Variants in PTPN4 observed in about 807,000 individuals in gnomAD.
The protein encoded by PTPN4 is protein tyrosine phosphatase non-receptor type 4.
Under a neutral mutation model 135.5 loss-of-function variants are expected in PTPN4, and 49 were observed. The observed-to-expected ratio is 0.36, with a 90% CI of 0.29 to 0.46. The LOEUF is 0.46. PTPN4 is among the 20% of genes least tolerant of loss of function. The pLI, the probability that PTPN4 is intolerant of heterozygous loss-of-function variation, is 1.00. For synonymous variants in PTPN4, 333 were observed against 369.9 expected (o/e 0.90, Z 1.14); for missense variants, 860 against 1,101.0 (o/e 0.78, Z 3.10).
chr2:119,942,966 G>A (rs1371816128), intron 15 of PTPN4, among the ~76,000 whole-genome samples: 3 of 152,182 alleles, frequency 2.0e-5, no homozygotes, highest in Non-Finnish European at 4.4e-5. Flanking sequence ...TGAAGCTTTG[G>A]CTGAAAAAGA....
intron 1 of PTPN4, among the ~76,000 whole-genome samples, chr2:119,791,881 C>T (rs1421326692): frequency 6.6e-6 from 1 of 152,014 alleles, no homozygotes; most frequent in Non-Finnish European, 1.5e-5. Flanking sequence ...TCTGTCAGCC[C>T]CCTTTTCTGT....
intron 23 of PTPN4, 28 bp from the exon 24 acceptor site, chr2:119,962,584 TTTTA>T (rs1679382451): frequency 8.4e-7 from 1 of 1,193,230 alleles, no homozygotes; most frequent in Non-Finnish European, 1.1e-6. Flanking sequence ...ATGTATATAA[TTTTA>T]TTTATTATTT....
Position 119,932,446 on chromosome 2 carries a change from C to A in PTPN4, c.1093C>A (p.Arg365=). ...FARSPSKPLA[R]KLMDWEVVSR... ...CAGATCCCCAAGTAAGCCCTTGGCA[C>A]GGAAATTAATGGATTGGGAAGTAGT... is the stretch of plus-strand genomic sequence containing the variant. The change falls in exon 14 of 27, where the codon CGG becomes AGG. Residue 365 remains arginine (R), a synonymous_variant. Coordinates refer to ENST00000263708, the MANE Select transcript of PTPN4 (RefSeq NM_002830.4). 6.2e-7 allele frequency: 1 copy of A among 1,609,272 alleles called. No individual in the cohort carries two copies. The highest frequency in any genetic ancestry group is 8.5e-7 in the Non-Finnish European group (1 of 1,177,372).
At chr2:119,974,486 G>C (rs1431244344) in intron 26 of PTPN4, among the ~76,000 whole-genome samples, 1 of 152,142 alleles carries the variant, frequency 6.6e-6, no homozygotes, top group Non-Finnish European at 1.5e-5. Context: ...TGGGATTACA[G>C]GAGTGATCCA....
chr2:119,796,890 G>A (rs1165877382), intron 1 of PTPN4, among the ~76,000 whole-genome samples: 1 of 149,954 alleles, frequency 6.7e-6, no homozygotes, highest in Non-Finnish European at 1.5e-5. Context: ...GTGTGTGTGT[G>A]TGTGTGTTTT....
At chr2:119,918,970 A>G (rs1008505127) in intron 11 of PTPN4, among the ~76,000 whole-genome samples, 2 of 152,226 alleles carry the variant, frequency 1.3e-5, no homozygotes, top group East Asian at 3.8e-4. Context: ...AGACCTAAAG[A>G]CACATATGTT....
In PTPN4 at chr2:119,909,241, T is replaced by C. The variant is rs1001948763; in HGVS notation, c.765-5938T>C. Among the ~76,000 whole-genome samples the C allele has an allele frequency of 2.0e-5, 3 of 152,176 alleles. No individual in the cohort carries two copies. The South Asian group carries it at 6.2e-4, about 31-fold the overall frequency. ...GACTATCATAGATGAAGTTAATACC[T>C]GGCTTCAATGTTTCAAAGGACTGAC... On this transcript the variant is annotated intron_variant, in intron 10 of 26. Transcript: ENST00000263708.
At chr2:119,938,149 A>G (rs968210463) in intron 15 of PTPN4, among the ~76,000 whole-genome samples, 6 of 120,708 alleles carry the variant, frequency 5.0e-5, no homozygotes, top group Admixed American at 3.0e-4. Context: ...TTTTTTTGAG[A>G]CAAAGTCTCA....
intron 18 of PTPN4, among the ~76,000 whole-genome samples, chr2:119,947,771 C>CAT (rs1679156812): frequency 6.6e-6 from 1 of 151,192 alleles, no homozygotes; most frequent in East Asian, 1.9e-4. Context: ...ACCACACACA[C>CAT]ACACACACAC....
Position 119,890,272 on chromosome 2 carries a change from C to CT in PTPN4, c.675+4400dup, listed in dbSNP as rs60831914. Among the ~76,000 whole-genome samples the CT allele has an allele frequency of 8.0e-4, 118 of 147,562 alleles. 1 individual carries two copies. The highest frequency in any genetic ancestry group is 1.3e-3 in the African/African-American group (52 of 40,368). On this transcript the variant is annotated intron_variant, in intron 9 of 26. Transcript: ENST00000263708. The stretch of plus-strand genomic sequence containing the variant: ...GTCATTATATAATGACCTTCTTTGT[C>CT]TTTTTTTTTTAACTGTTCTTGAAAT...
chr2:119,760,958 G>A (rs1690481107), intron 1 of PTPN4, among the ~76,000 whole-genome samples: 1 of 151,618 alleles, frequency 6.6e-6, no homozygotes, highest in Non-Finnish European at 1.5e-5. Context: ...GCTTACAGTT[G>A]CACAGGTGAT....
intron 10 of PTPN4, among the ~76,000 whole-genome samples, chr2:119,911,414 A>G (rs1320614325): frequency 6.6e-6 from 1 of 152,154 alleles, no homozygotes; most frequent in Non-Finnish European, 1.5e-5. Context: ...TGAGCATTTC[A>G]ATAGATGCAG....
chr2:119,880,191 T>C (rs568021832), intron 5 of PTPN4: 169 of 152,272 alleles, frequency 1.1e-3, no homozygotes, highest in African/African-American at 4.0e-3. Flanking sequence ...AAACTAAGGC[T>C]CAGCCACATT....
chr2:119,911,447 CCATT>C (rs1232977409), intron 10 of PTPN4, among the ~76,000 whole-genome samples: 7 of 151,888 alleles, frequency 4.6e-5, no homozygotes, highest in African/African-American at 1.7e-4. Flanking sequence ...ACAAAATTGA[CCATT>C]CATGATTTAA....
chr2:119,763,117 AT>A (rs1314177674), intron 1 of PTPN4, among the ~76,000 whole-genome samples: 2 of 152,130 alleles, frequency 1.3e-5, no homozygotes, highest in African/African-American at 2.4e-5. Flanking sequence ...ATAATTTCTT[AT>A]CTTTTGCATG....
intron 20 of PTPN4, 137 bp from the exon 21 acceptor site, chr2:119,956,707 A>T: frequency 7.1e-7 from 1 of 1,409,844 alleles, no homozygotes; most frequent in South Asian, 1.4e-5. Context: ...CTACTAGACT[A>T]TGGTATATCA....
intron 26 of PTPN4, among the ~76,000 whole-genome samples, chr2:119,975,183 C>G (rs1679595322): frequency 6.6e-6 from 1 of 152,198 alleles, no homozygotes; most frequent in Non-Finnish European, 1.5e-5. Context: ...GTGATCACCA[C>G]TCATCGCAGC....
chr2:119,800,582 TTTTTTGTTGTTG>T (rs1691344429), intron 1 of PTPN4, among the ~76,000 whole-genome samples: 1 of 152,048 alleles, frequency 6.6e-6, no homozygotes, highest in Non-Finnish European at 1.5e-5. Context: ...CTAATTTGTC[TTTTTTGTTGTTG>T]TTTTTATGAA....
intron 22 of PTPN4, among the ~76,000 whole-genome samples, chr2:119,958,325 G>C (rs1192148829): frequency 9.9e-5 from 9 of 91,258 alleles, no homozygotes; most frequent in Non-Finnish European, 1.7e-4. Flanking sequence ...AACAAGACCC[G>C]TCTAAAAAAA....
Sources: gnomAD v4.1 joint callset for allele counts (sites outside exome capture counted in the v4.1 genomes callset) on GRCh38, gnomAD v4.1.1 for gene constraint, MANE v1.5 for transcripts, NCBI Gene and HGNC (gene_info 2026-07-23, HGNC 2026-07-21) for gene names.